Variants in STARD13 observed in about 807,000 individuals in gnomAD.
STARD13 encodes stAR-related lipid transfer protein 13.
In STARD13, 62 loss-of-function variants were observed where a neutral mutation model predicts 106.4. That is an observed-to-expected ratio of 0.58 (90% CI 0.48 to 0.72). The LOEUF (loss-of-function observed/expected upper bound fraction) is 0.72. Among genes scored for constraint, STARD13 ranks in the 30% least tolerant of loss-of-function variants. The pLI, the probability that STARD13 is intolerant of heterozygous loss-of-function variation, is 0.00. For synonymous variants in STARD13, 565 were observed against 553.0 expected, an observed-to-expected ratio of 1.02 and a Z score of -0.31; for missense variants, 1,387 against 1,424.0, an observed-to-expected ratio of 0.97 and a Z score of 0.42.
the STARD13 span, among the ~76,000 whole-genome samples, chr13:33,650,044 C>T: frequency 6.6e-6 from 1 of 151,952 alleles, no homozygotes; most frequent in African/African-American, 2.4e-5. Flanking sequence ...TCCAGACACT[C>T]ACATGAAACA....
At chr13:33,656,146 C>A in the STARD13 span, among the ~76,000 whole-genome samples, 1 of 152,238 alleles carries the variant, frequency 6.6e-6, no homozygotes, top group East Asian at 1.9e-4. Flanking sequence ...TTATTATTAC[C>A]TGTCTCCCCT....
At chr13:33,391,768 C>T in the STARD13 span, among the ~76,000 whole-genome samples, 6 of 152,182 alleles carry the variant, frequency 3.9e-5, no homozygotes, top group African/African-American at 9.6e-5. Context: ...TGTGATCTCT[C>T]GAGCAATCTC....
At chr13:33,482,979 C>A in the STARD13 span, among the ~76,000 whole-genome samples, 1 of 152,150 alleles carries the variant, frequency 6.6e-6, no homozygotes, top group South Asian at 2.1e-4. Context: ...AAAGGATTTG[C>A]ATTGATTTGG....
At chr13:33,491,962 T>G in the STARD13 span, among the ~76,000 whole-genome samples, 1 of 151,336 alleles carries the variant, frequency 6.6e-6, no homozygotes, top group Non-Finnish European at 1.5e-5. Context: ...GAAAAGAGAG[T>G]CAGGAAGGGA....
chr13:33,465,267 G>A, the STARD13 span, among the ~76,000 whole-genome samples: 1 of 143,120 alleles, frequency 7.0e-6, no homozygotes, highest in Non-Finnish European at 1.5e-5. Flanking sequence ...GTGCAGTGGC[G>A]CGATCTCGGC....
At chr13:33,458,277 G>T in the STARD13 span, among the ~76,000 whole-genome samples, 6 of 144,014 alleles carry the variant, frequency 4.2e-5, no homozygotes, top group Non-Finnish European at 7.7e-5. Flanking sequence ...GTTTTTTGTT[G>T]TTTTTTTTTT....
intron 1 of STARD13, among the ~76,000 whole-genome samples, chr13:33,302,648 C>T (rs1281524515): frequency 1.3e-5 from 2 of 152,152 alleles, no homozygotes; most frequent in Non-Finnish European, 2.9e-5. Context: ...CTCAAGCAAT[C>T]CTCCCACCTC....
the STARD13 span, among the ~76,000 whole-genome samples, chr13:33,398,529 G>A: frequency 7.2e-5 from 11 of 151,916 alleles, no homozygotes; most frequent in East Asian, 9.6e-4. Context: ...CCAAGCCCCC[G>A]AGTGGAAAAA....
the STARD13 span, among the ~76,000 whole-genome samples, chr13:33,378,149 T>G: frequency 6.6e-6 from 1 of 152,148 alleles, no homozygotes; most frequent in African/African-American, 2.4e-5. Flanking sequence ...AGTGGTGTTC[T>G]CAGGGAAGTG....
intron 1 of STARD13, among the ~76,000 whole-genome samples, chr13:33,305,194 T>G (rs1426403419): frequency 6.6e-6 from 1 of 152,198 alleles, no homozygotes; most frequent in Admixed American, 6.5e-5. Flanking sequence ...AGTCCCAAGC[T>G]TTTGATGTCA....
chr13:33,487,578 T>C, the STARD13 span, among the ~76,000 whole-genome samples: 1 of 152,192 alleles, frequency 6.6e-6, no homozygotes, highest in Non-Finnish European at 1.5e-5. Flanking sequence ...AAGAATGTTA[T>C]GAGAGTTTCA....
In STARD13 at chr13:33,128,989, G is replaced by T. The variant is rs574035412; in HGVS notation, c.1688C>A (p.Pro563His). The T allele has an allele frequency of 1.9e-5, 31 of 1,614,096 alleles. No homozygotes were observed. The highest frequency in any genetic ancestry group is 3.3e-4 in the Middle Eastern group (2 of 6,062). Residue 563 changes from proline (P) to histidine (H), a missense_variant, in exon 5 of 14, where the codon CCT becomes CAT. Transcript: ENST00000336934. ...RDVTSLNESE[P>H]PGVRDRRDSG... ...ATCCCTCCTGTCTCTGACCCCAGGA[G>T]GCTCAGATTCATTAAGAGATGTTAC... is the stretch of plus-strand genomic sequence containing the variant.
chr13:33,467,613 C>T, the STARD13 span, among the ~76,000 whole-genome samples: 1 of 152,078 alleles, frequency 6.6e-6, no homozygotes. Context: ...GGTTGCCTGT[C>T]TTTGGGTTGC....
chr13:33,522,310 A>C, the STARD13 span, among the ~76,000 whole-genome samples: 12 of 152,086 alleles, frequency 7.9e-5, no homozygotes, highest in Admixed American at 7.9e-4. Context: ...CAGCACCCCC[A>C]TCATCAACAT....
At chr13:33,633,078 G>T in the STARD13 span, among the ~76,000 whole-genome samples, 1 of 152,110 alleles carries the variant, frequency 6.6e-6, no homozygotes, top group Non-Finnish European at 1.5e-5. Context: ...ACTAAGAGGG[G>T]TATGTTGTAA....
At chr13:33,302,506 C>T (rs553249446) in intron 1 of STARD13, among the ~76,000 whole-genome samples, 1 of 152,246 alleles carries the variant, frequency 6.6e-6, no homozygotes, top group African/African-American at 2.4e-5. Context: ...GCCTTGACCT[C>T]CCTGGGCCCA....
chr13:33,201,534 A>G (rs1232082490), intron 1 of STARD13, among the ~76,000 whole-genome samples: 1 of 152,226 alleles, frequency 6.6e-6, no homozygotes, highest in Admixed American at 6.5e-5. Flanking sequence ...GTATTTGAAC[A>G]AGTAGACTCA....
the STARD13 span, among the ~76,000 whole-genome samples, chr13:33,471,406 T>A: frequency 6.6e-6 from 1 of 152,220 alleles, no homozygotes; most frequent in South Asian, 2.1e-4. Flanking sequence ...TGATTCACAA[T>A]GCTTAATCCT....
chr13:33,111,923 T>A, intron 9 of STARD13, 31 bp from the exon 10 acceptor site: 2 of 1,413,866 alleles, frequency 1.4e-6, no homozygotes, highest in Non-Finnish European at 2.0e-6. Flanking sequence ...GCTAAGCAGA[T>A]CCCACACCAA....
Sources: allele counts gnomAD v4.1 joint callset (sites outside exome capture counted in the v4.1 genomes callset), GRCh38; gene constraint gnomAD v4.1.1; transcripts MANE v1.5; gene names NCBI Gene and HGNC (gene_info 2026-07-23, HGNC 2026-07-21).